HERC1: variants seen among roughly 807,000 people sequenced by gnomAD.
The protein encoded by HERC1 is probable E3 ubiquitin-protein ligase HERC1.
HERC1 carries 160 observed loss-of-function variants against 554.3 expected under a neutral mutation model. The observed-to-expected ratio is 0.29, with a 90% CI of 0.25 to 0.33. HERC1 has a LOEUF of 0.33. Ranked by LOEUF, HERC1 falls within the 10% of genes least tolerant of loss-of-function variation. The pLI, the probability that HERC1 is intolerant of heterozygous loss-of-function variation, is 1.00. For missense variants in HERC1, 4,919 were observed against 5,918.5 expected, an observed-to-expected ratio of 0.83 and a Z score of 5.54; for synonymous variants, 2,175 against 2,131.7, an observed-to-expected ratio of 1.02 and a Z score of -0.56.
chr15:63,620,056 T>C (rs1303822329), intron 74 of HERC1, among the ~76,000 whole-genome samples: 2 of 152,236 alleles, frequency 1.3e-5, no homozygotes, highest in Non-Finnish European at 2.9e-5. Flanking sequence ...TGTTTGCTCT[T>C]GCTTCTCTAG....
intron 1 of HERC1, chr15:63,779,933 G>C (rs542231238): frequency 1.4e-5 from 2 of 139,554 alleles, no homozygotes; most frequent in African/African-American, 2.7e-5. Context: ...AGAATCGCTC[G>C]AACCCGGGAG....
intron 1 of HERC1, among the ~76,000 whole-genome samples, chr15:63,777,416 C>T (rs2076147674): frequency 6.6e-6 from 1 of 152,180 alleles, no homozygotes. Context: ...ACCTCCATCC[C>T]TTCCCACATA....
intron 68 of HERC1, chr15:63,632,183 A>C (rs1388693528): frequency 6.4e-6 from 1 of 156,844 alleles, no homozygotes; most frequent in Non-Finnish European, 1.4e-5. Flanking sequence ...CACAACTAGA[A>C]ACTTCAGTCA....
chr15:63,663,356 G>A (rs1227751648), intron 43 of HERC1, among the ~76,000 whole-genome samples, 152 bp from the exon 44 acceptor site: 6 of 152,112 alleles, frequency 3.9e-5, no homozygotes, highest in South Asian at 4.1e-4. Context: ...TACCTATCAC[G>A]TGTGTTTCCT....
intron 64 of HERC1, chr15:63,636,927 T>C (rs2068806276): frequency 3.2e-6 from 1 of 308,678 alleles, no homozygotes. Context: ...CAGATCACAA[T>C]GAAAAGAACC....
At chr15:63,820,076 T>A (rs2077633556) in intron 1 of HERC1, among the ~76,000 whole-genome samples, 1 of 152,210 alleles carries the variant, frequency 6.6e-6, no homozygotes, top group Non-Finnish European at 1.5e-5. Context: ...TATATATACT[T>A]CAAAACTTCA....
rs377147575 is a variant in HERC1, at chr15:63,696,220, C to T, written c.5025G>A (p.Thr1675=). 43 of 1,613,320 alleles carry T rather than the reference C, an allele frequency of 2.7e-5. No homozygotes were observed. Among genetic ancestry groups the T allele is most frequent in the Middle Eastern group, 1.6e-4 (1 of 6,084 alleles). Reference sequence around the variant, plus strand: ...CTGCTAGGAACTGCAGCCTCACAGACGTGAGTAGTGTGGAGGACTGGAAGC... The same window carrying T: ...CTGCTAGGAACTGCAGCCTCACAGATGTGAGTAGTGTGGAGGACTGGAAGC... The part of the protein sequence containing the change: ...SSGFQSSTLL[T]SVRLQFLAGC... Residue 1675 remains threonine (T), a synonymous_variant, in exon 27 of 78, where the codon ACG becomes ACA. Transcript: ENST00000443617.
Position 63,652,394 on chromosome 15 carries a change from C to T in HERC1, c.10418+20G>A, listed in dbSNP as rs761682429. ...GGATTCTCTTATTTTAAATGGTATA[C>T]ACGTGATGTTAGCACTCACAATCTG... On this transcript the variant is annotated intron_variant, in intron 52 of 77. Transcript: ENST00000443617. 2.5e-6 allele frequency: 4 copies of T among 1,609,088 alleles called. No individual in the cohort carries two copies. In the South Asian group the frequency reaches 3.3e-5, roughly 13 times the overall value.
Position 63,623,910 on chromosome 15 carries a change from A to G in HERC1, c.13446-20T>C, listed in dbSNP as rs1460665507. The stretch of plus-strand genomic sequence containing the variant: ...CGTCCTCTTTAAAAGAAAGGGAGAA[A>G]GCAATGAAATACAACTCTTACCAAT... On this transcript the variant is annotated intron_variant, in intron 72 of 77. Transcript: ENST00000443617. 6.2e-7 allele frequency: 1 copy of G among 1,611,836 alleles called. No homozygotes were observed. Among genetic ancestry groups the G allele is most frequent in the South Asian group, 1.1e-5 (1 of 91,020 alleles).
rs374249242 is a variant in HERC1, at chr15:63,609,181, C to T, written c.14486G>A (p.Arg4829His). The T allele has an allele frequency of 1.4e-5, 23 of 1,613,716 alleles. No individual in the cohort carries two copies. The highest frequency in any genetic ancestry group is 2.2e-5 in the East Asian group (1 of 44,880). ...GCAGTTGTTGATGGCATAGCGCAGG[C>T]GCTCGGCCATGACCAGCTGGCTGGA... is the stretch of plus-strand genomic sequence containing the variant. ...PYSSQLVMAERLRYAINNCRS... is the reference protein window; with the variant it reads ...PYSSQLVMAEHLRYAINNCRS... The change falls in exon 78 of 78, where the codon CGC becomes CAC. Residue 4829 changes from arginine (R) to histidine (H), a missense_variant. Coordinates refer to ENST00000443617, the MANE Select transcript of HERC1 (RefSeq NM_003922.4).
rs115201011 is a variant in HERC1 at position 63,683,473 on chromosome 15, C to T, written c.6226-2697G>A. On this transcript the variant is annotated intron_variant, in intron 34 of 77. Transcript: ENST00000443617. ...GTTTTAAAAAACATTCAGTGGCTAA[C>T]GAGTTCTTATAAAATCATATGTCTA... Among the ~76,000 whole-genome samples, 1,132 of 152,234 alleles carry T rather than the reference C, an allele frequency of 7.4e-3. 14 individuals are homozygous for T. The highest frequency in any genetic ancestry group is 0.026 in the African/African-American group (1,089 of 41,526).
intron 74 of HERC1, among the ~76,000 whole-genome samples, chr15:63,621,317 T>C (rs1298789576): frequency 1.3e-5 from 2 of 152,230 alleles, no homozygotes; most frequent in East Asian, 1.9e-4. Context: ...TGTTGAATAT[T>C]GGCCCCCACT....
At chr15:63,744,004 G>A (rs561395975) in intron 12 of HERC1, among the ~76,000 whole-genome samples, 6 of 152,248 alleles carry the variant, frequency 3.9e-5, no homozygotes, top group Admixed American at 3.9e-4. Context: ...GGTTCTTGCA[G>A]CCTCATAGAG....
rs1025564254 is a variant in HERC1 at position 63,727,596 on chromosome 15, G to A, written c.3346+51C>T. ...GAAAAACACAGTGATGTGTGCAAGA[G>A]GAACAACTTTTCTCAAAGGCATTAT... is the stretch of plus-strand genomic sequence containing the variant. On this transcript the variant is annotated intron_variant, in intron 17 of 77. Transcript: ENST00000443617. This position sits in a 1 kb window ranked among gnomAD's most constrained non-coding sequence, Gnocchi z 4.3. 2 of 1,378,582 alleles carry A rather than the reference G, an allele frequency of 1.5e-6. No individual in the cohort carries two copies. The highest frequency in any genetic ancestry group is 1.3e-5 in the South Asian group (1 of 78,294). The allele number at this position is 1,378,582 out of a possible 1,614,324, so 85.4% of individuals were successfully genotyped here. A position where few individuals can be genotyped will look rare whatever the true frequency, so the allele number is the denominator to read the frequency against.
At chr15:63,637,002 G>A (rs1256416539) in intron 64 of HERC1, 9 of 382,654 alleles carry the variant, frequency 2.4e-5, no homozygotes, top group Non-Finnish European at 4.7e-5. Flanking sequence ...AAAAACCGTC[G>A]GTGCTCTCTT....
intron 3 of HERC1, among the ~76,000 whole-genome samples, chr15:63,761,043 A>G (rs1009498888): frequency 2.2e-4 from 33 of 152,202 alleles, no homozygotes; most frequent in Non-Finnish European, 4.0e-4. Flanking sequence ...ACAAGAAGAA[A>G]AGAAAATGTG....
At chr15:63,826,805 AAAAAAAAAAATATATATATATATATATAT>A (rs1340256333) in intron 1 of HERC1, among the ~76,000 whole-genome samples, 1 of 73,602 alleles carries the variant, frequency 1.4e-5, no homozygotes, top group African/African-American at 6.3e-5. Context: ...AAAAAAAAAA[AAAAAAAAAAATATATATATATATATATAT>A]ATATATATAA....
chr15:63,738,762 C>T (rs1198245622), intron 12 of HERC1, among the ~76,000 whole-genome samples: 1 of 152,166 alleles, frequency 6.6e-6, no homozygotes, highest in Non-Finnish European at 1.5e-5. Context: ...TTCTAAGATG[C>T]AATGGCTGTC....
At chr15:63,654,936 A>G (rs550152069) in intron 50 of HERC1, among the ~76,000 whole-genome samples, 3 of 152,346 alleles carry the variant, frequency 2.0e-5, no homozygotes, top group African/African-American at 7.2e-5. Context: ...AGACTAAGAA[A>G]GCAGCAGAAA....
Sources: allele counts gnomAD v4.1 joint callset (sites outside exome capture counted in the v4.1 genomes callset), GRCh38; gene constraint gnomAD v4.1.1; non-coding constraint Gnocchi (gnomAD v3.1); transcripts MANE v1.5; gene names NCBI Gene and HGNC (gene_info 2026-07-23, HGNC 2026-07-21).